Variants in KCNU1 observed in about 807,000 individuals in gnomAD.
The protein encoded by KCNU1 is potassium channel subfamily U member 1.
A neutral mutation model predicts 126.8 loss-of-function variants in KCNU1; 93 were observed. The ratio of observed to expected loss-of-function variants is 0.73; its 90% CI spans 0.62 to 0.87. The LOEUF (loss-of-function observed/expected upper bound fraction) is 0.87, where lower values mean the gene tolerates loss of function less well. Ranked by LOEUF, KCNU1 falls within the 40% of genes least tolerant of loss-of-function variation. The pLI, the probability that KCNU1 is intolerant of heterozygous loss-of-function variation, is 0.00. For missense variants in KCNU1, 1,330 were observed against 1,367.1 expected, an observed-to-expected ratio of 0.97 and a Z score of 0.43; for synonymous variants, 523 against 494.2, an observed-to-expected ratio of 1.06 and a Z score of -0.77.
intron 20 of KCNU1, among the ~76,000 whole-genome samples, chr8:36,906,846 G>T (rs1256637321): frequency 1.3e-5 from 2 of 152,076 alleles, no homozygotes; most frequent in East Asian, 3.9e-4. Context: ...CACCATTTTA[G>T]CAATTATGTC....
chr8:36,935,738 T>C lies in KCNU1; in HGVS notation c.3268T>C (p.Tyr1090His). ...TACTGAGACATTGTATTCACCAGTC[T>C]ATTCTTACCAGCCGAGAACTAACTC... ...SVTETLYSPV[Y>H]SYQPRTNSLS... The change falls in exon 27 of 27, where the codon TAT becomes CAT. Residue 1090 changes from tyrosine (Y) to histidine (H), a missense_variant. By Grantham distance (83) the Tyr-to-His change is moderately conservative. Coordinates refer to ENST00000399881, the MANE Select transcript of KCNU1 (RefSeq NM_001031836.3). The C allele has an allele frequency of 6.2e-7, 1 of 1,613,430 alleles. No individual in the cohort carries two copies. Among genetic ancestry groups the C allele is most frequent in the African/African-American group, 1.3e-5 (1 of 74,972 alleles).
intron 16 of KCNU1, among the ~76,000 whole-genome samples, chr8:36,845,017 G>A (rs1159017731): frequency 6.6e-6 from 1 of 152,130 alleles, no homozygotes; most frequent in Non-Finnish European, 1.5e-5. Context: ...GTTCAAGTAA[G>A]ATAACAATAG....
At chr8:36,833,792 T>A in intron 11 of KCNU1, 133 bp downstream of exon 11, 1 of 548,748 alleles carries the variant, frequency 1.8e-6, no homozygotes. Flanking sequence ...TCCTCAACTT[T>A]AAAAACAATT....
At chr8:36,929,260 T>C (rs113234124) in intron 24 of KCNU1, among the ~76,000 whole-genome samples, 2,475 of 151,658 alleles carry the variant, frequency 0.016, 76 homozygotes, top group African/African-American at 0.057. Context: ...GGTGCACAAC[T>C]GTAATACCAG....
chr8:36,841,971 G>C (rs992282977), intron 16 of KCNU1, among the ~76,000 whole-genome samples: 3 of 148,218 alleles, frequency 2.0e-5, no homozygotes, highest in South Asian at 2.2e-4. Flanking sequence ...TAGAGAAAAA[G>C]ATCTGTTAAA....
intron 10 of KCNU1, among the ~76,000 whole-genome samples, chr8:36,823,979 A>C (rs1024616274): frequency 2.6e-5 from 4 of 151,848 alleles, no homozygotes; most frequent in Non-Finnish European, 4.4e-5. Context: ...CTGGGATTAC[A>C]GGCATGCACC....
At chr8:36,931,473 A>T (rs942990634) in intron 25 of KCNU1, among the ~76,000 whole-genome samples, 26 of 152,244 alleles carry the variant, frequency 1.7e-4, no homozygotes, top group Middle Eastern at 3.4e-3. Context: ...ATTCATAATA[A>T]TTATAACAGC....
At chr8:36,840,439 G>C (rs764835738) in intron 14 of KCNU1, 24 bp from the exon 15 acceptor site, 6 of 1,143,192 alleles carry the variant, frequency 5.2e-6, no homozygotes, top group Non-Finnish European at 7.9e-6. Flanking sequence ...GTTTTGCTTC[G>C]TGTGGCATGA....
At chr8:36,906,581 G>T (rs1807639817) in intron 20 of KCNU1, among the ~76,000 whole-genome samples, 1 of 152,218 alleles carries the variant, frequency 6.6e-6, no homozygotes, top group Non-Finnish European at 1.5e-5. Flanking sequence ...CTTGCATGCT[G>T]TATGAACCCT....
chr8:36,817,425 G>A (rs1389252200), intron 9 of KCNU1, among the ~76,000 whole-genome samples: 1 of 146,202 alleles, frequency 6.8e-6, no homozygotes, highest in Non-Finnish European at 1.5e-5. Flanking sequence ...TTTAAACCCA[G>A]GAGGCAGATG....
chr8:36,886,971 C>T (rs1296117719), intron 19 of KCNU1, among the ~76,000 whole-genome samples: 2 of 152,000 alleles, frequency 1.3e-5, no homozygotes, highest in Non-Finnish European at 2.9e-5. Context: ...TGACAAAATA[C>T]ATTATTTTGT....
At chr8:36,843,359 G>A (rs1311758508) in intron 16 of KCNU1, among the ~76,000 whole-genome samples, 1 of 152,146 alleles carries the variant, frequency 6.6e-6, no homozygotes, top group African/African-American at 2.4e-5. Context: ...TTCTGATTTG[G>A]CAAATGTATT....
chr8:36,909,025 C>A (rs1329006531), intron 20 of KCNU1, among the ~76,000 whole-genome samples: 1 of 152,136 alleles, frequency 6.6e-6, no homozygotes, highest in Non-Finnish European at 1.5e-5. Context: ...TGATTTCACA[C>A]CCTGAGGAAT....
chr8:36,815,045 A>G (rs1430900854), intron 8 of KCNU1, among the ~76,000 whole-genome samples: 3 of 152,310 alleles, frequency 2.0e-5, no homozygotes, highest in African/African-American at 7.2e-5. Flanking sequence ...AGCGATAAAA[A>G]GAGGGCCAGG....
chr8:36,848,929 G>A (rs1392134586), intron 18 of KCNU1, among the ~76,000 whole-genome samples: 3 of 152,072 alleles, frequency 2.0e-5, no homozygotes, highest in African/African-American at 7.2e-5. Flanking sequence ...ATCAGGCTGT[G>A]TCCTATCTTT....
intron 19 of KCNU1, among the ~76,000 whole-genome samples, chr8:36,897,931 T>C (rs1468990066): frequency 6.6e-6 from 1 of 152,120 alleles, no homozygotes; most frequent in Non-Finnish European, 1.5e-5. Context: ...GGCCTCCATC[T>C]CCATTATCTC....
intron 26 of KCNU1, among the ~76,000 whole-genome samples, chr8:36,933,558 G>A (rs1808767654): frequency 1.3e-5 from 2 of 152,090 alleles, no homozygotes; most frequent in Admixed American, 6.6e-5. Context: ...GAGGGGAAAG[G>A]GAAAGAGAGG....
chr8:36,874,798 C>T (rs191424947), intron 19 of KCNU1, among the ~76,000 whole-genome samples: 13 of 152,144 alleles, frequency 8.5e-5, no homozygotes, highest in African/African-American at 2.4e-4. Flanking sequence ...GTAACAGTCC[C>T]GATTTAATTG....
At chr8:36,897,074 A>G (rs1156709432) in intron 19 of KCNU1, among the ~76,000 whole-genome samples, 1 of 152,036 alleles carries the variant, frequency 6.6e-6, no homozygotes, top group Non-Finnish European at 1.5e-5. Flanking sequence ...ATGGGACAAT[A>G]GCAAAAAGAG....
Sources: gnomAD v4.1 joint callset for allele counts (sites outside exome capture counted in the v4.1 genomes callset) on GRCh38, gnomAD v4.1.1 for gene constraint, MANE v1.5 for transcripts, NCBI Gene and HGNC (gene_info 2026-07-23, HGNC 2026-07-21) for gene names.